The following LDB2 variants were observed in gnomAD, a reference collection of about 807,000 sequenced individuals.
The protein encoded by LDB2 is LIM domain-binding protein 2.
Under a neutral mutation model 44.3 loss-of-function variants are expected in LDB2, and 12 were observed. That is an observed-to-expected ratio of 0.27 (90% confidence interval 0.17 to 0.44). LDB2 has a LOEUF of 0.44. LDB2 is among the 20% of genes least tolerant of loss of function. The pLI, the probability that LDB2 is intolerant of heterozygous loss-of-function variation, is 1.00. For missense variants in LDB2, 344 were observed against 473.5 expected (o/e 0.73, Z 2.54); for synonymous variants, 164 against 174.8 (o/e 0.94, Z 0.49).
chr4:16,819,475 A>AG (rs1470200052), intron 1 of LDB2, among the ~76,000 whole-genome samples: 2 of 150,904 alleles, frequency 1.3e-5, no homozygotes, highest in Non-Finnish European at 3.0e-5. Flanking sequence ...AAAAAAAAAA[A>AG]AAAAAGAAAT....
intron 1 of LDB2, among the ~76,000 whole-genome samples, chr4:16,868,277 G>A (rs1201529238): frequency 1.3e-5 from 2 of 152,132 alleles, no homozygotes; most frequent in Non-Finnish European, 2.9e-5. Context: ...TAAATTTGGG[G>A]ACTCCTGATA....
intron 2 of LDB2, among the ~76,000 whole-genome samples, chr4:16,632,515 C>T (rs920115358): frequency 4.6e-5 from 7 of 152,146 alleles, no homozygotes; most frequent in Non-Finnish European, 8.8e-5. Flanking sequence ...CTTTTGAAAA[C>T]CAGCACAAGA....
At chr4:16,686,056 A>G (rs1749164636) in intron 2 of LDB2, among the ~76,000 whole-genome samples, 1 of 152,212 alleles carries the variant, frequency 6.6e-6, no homozygotes, top group South Asian at 2.1e-4. Flanking sequence ...TGTCTAAAAA[A>G]AAAGGCAAAA....
At chr4:16,834,595 G>A (rs909904763) in intron 1 of LDB2, among the ~76,000 whole-genome samples, 4 of 152,126 alleles carry the variant, frequency 2.6e-5, no homozygotes, top group African/African-American at 9.7e-5. Flanking sequence ...TTGGGAGGTC[G>A]AGGCGGGCGG....
At chr4:16,586,506 ACACACACACACACACACAC>A (rs1486941198) in intron 4 of LDB2, among the ~76,000 whole-genome samples, 46 of 136,648 alleles carry the variant, frequency 3.4e-4, no homozygotes, top group East Asian at 1.4e-3. Context: ...ACACACACAC[ACACACACACACACACACAC>A]AAAACACACA....
intron 1 of LDB2, among the ~76,000 whole-genome samples, chr4:16,845,166 G>A (rs928099917): frequency 1.3e-5 from 2 of 152,204 alleles, no homozygotes; most frequent in Non-Finnish European, 2.9e-5. Context: ...TTGTTCTGTG[G>A]TCCCTGAAGC....
intron 1 of LDB2, among the ~76,000 whole-genome samples, chr4:16,843,718 T>C (rs1471525628): frequency 6.6e-6 from 1 of 152,056 alleles, no homozygotes; most frequent in Admixed American, 6.6e-5. Context: ...ACCTCCCAGG[T>C]TCAAGCTATT....
At chr4:16,845,010 G>A (rs972536604) in intron 1 of LDB2, among the ~76,000 whole-genome samples, 2 of 152,194 alleles carry the variant, frequency 1.3e-5, no homozygotes, top group African/African-American at 4.8e-5. Flanking sequence ...ACTGCCCACT[G>A]GGGGAAAGTT....
intron 1 of LDB2, among the ~76,000 whole-genome samples, chr4:16,863,656 CTT>C (rs143950913): frequency 4.3e-5 from 4 of 91,956 alleles, no homozygotes; most frequent in African/African-American, 4.5e-5. Flanking sequence ...CTCACATTCT[CTT>C]TTTTTTTTTT....
chr4:16,773,274 T>A (rs1405861609), intron 1 of LDB2, among the ~76,000 whole-genome samples: 1 of 152,202 alleles, frequency 6.6e-6, no homozygotes, highest in Non-Finnish European at 1.5e-5. Context: ...ACGGACACTC[T>A]GGGGGACGGT....
intron 5 of LDB2, among the ~76,000 whole-genome samples, chr4:16,516,160 C>T (rs1187650917): frequency 6.6e-6 from 1 of 152,100 alleles, no homozygotes; most frequent in Non-Finnish European, 1.5e-5. Context: ...CCACCACGCC[C>T]AGCCTAGGTA....
intron 1 of LDB2, among the ~76,000 whole-genome samples, chr4:16,896,465 A>T (rs1156228610): frequency 3.9e-5 from 6 of 152,138 alleles, no homozygotes; most frequent in African/African-American, 1.4e-4. Context: ...CTCCTAGCTC[A>T]GACCTGGCCA....
chr4:16,614,580 CA>C (rs1164613202), intron 2 of LDB2, among the ~76,000 whole-genome samples: 1,649 of 53,774 alleles, frequency 0.031, 9 homozygotes, highest in African/African-American at 0.035. Flanking sequence ...CAAGAAAAAA[CA>C]AAAAAAAAAA....
chr4:16,833,534 ATCTTTTCC>A (rs1342785007), intron 1 of LDB2, among the ~76,000 whole-genome samples: 1 of 141,666 alleles, frequency 7.1e-6, no homozygotes, highest in African/African-American at 2.6e-5. Flanking sequence ...CTTTCCACCA[ATCTTTTCC>A]TCTTTTTTTT....
intron 1 of LDB2, among the ~76,000 whole-genome samples, chr4:16,843,206 T>TATTTTTTTTTAACAGTA (rs1360086219): frequency 1.3e-5 from 2 of 152,226 alleles, no homozygotes; most frequent in African/African-American, 4.8e-5. Flanking sequence ...ATCATTTCCT[T>TATTTTTTTTTAACAGTA]AGTTTTTAAA....
At chr4:16,829,583 A>T (rs1211884268) in intron 1 of LDB2, among the ~76,000 whole-genome samples, 1 of 152,142 alleles carries the variant, frequency 6.6e-6, no homozygotes, top group East Asian at 1.9e-4. Context: ...TGTTATATAA[A>T]AGTAATTGAA....
At chr4:16,856,588 G>T (rs1383596923) in intron 1 of LDB2, among the ~76,000 whole-genome samples, 3 of 152,128 alleles carry the variant, frequency 2.0e-5, no homozygotes, top group Non-Finnish European at 4.4e-5. Context: ...TATGTAAATG[G>T]ATGGGCATAG....
At chr4:16,667,931 G>A (rs1056048282) in intron 2 of LDB2, among the ~76,000 whole-genome samples, 5 of 152,130 alleles carry the variant, frequency 3.3e-5, no homozygotes, top group Middle Eastern at 3.4e-3. Flanking sequence ...CACCTTCCAC[G>A]ATCACCACAA....
chr4:16,891,511 C>T (rs1490996420), intron 1 of LDB2, among the ~76,000 whole-genome samples: 4 of 151,928 alleles, frequency 2.6e-5, no homozygotes, highest in African/African-American at 9.7e-5. Context: ...CAGGGTTTCA[C>T]CATGTTGATC....
Sources: gnomAD v4.1 joint callset for allele counts (sites outside exome capture counted in the v4.1 genomes callset) on GRCh38, gnomAD v4.1.1 for gene constraint, MANE v1.5 for transcripts, NCBI Gene and HGNC (gene_info 2026-07-23, HGNC 2026-07-21) for gene names.